The following CNTNAP2 variants were observed in gnomAD, a reference collection of about 807,000 sequenced individuals.
The protein encoded by CNTNAP2 is contactin associated protein 2.
A neutral mutation model predicts 155.2 loss-of-function variants in CNTNAP2; 98 were observed. That is an observed-to-expected ratio of 0.63 (90% confidence interval 0.54 to 0.75). The LOEUF is 0.75. CNTNAP2 is among the 30% of genes least tolerant of loss of function. CNTNAP2 has a pLI of 0.00. For missense variants in CNTNAP2, 1,727 were observed against 1,688.1 expected (o/e 1.02, Z -0.40); for synonymous variants, 651 against 631.2 (o/e 1.03, Z -0.47).
At chr7:147,477,241 T>C (rs10280003) in intron 10 of CNTNAP2, among the ~76,000 whole-genome samples, 117,381 of 152,064 alleles carry the variant, frequency 0.77, 45,587 homozygotes, top group African/African-American at 0.85. Flanking sequence ...ATTTACTTTT[T>C]TAAGAGTTTC....
At chr7:147,222,263 G>GT (rs111974164) in intron 8 of CNTNAP2, among the ~76,000 whole-genome samples, 2,554 of 146,630 alleles carry the variant, frequency 0.017, 67 homozygotes, top group African/African-American at 0.059. Context: ...TTCTGTTATA[G>GT]TTTTTTTTTT....
At chr7:148,095,291 G>A (rs2116570689) in intron 15 of CNTNAP2, among the ~76,000 whole-genome samples, 1 of 152,300 alleles carries the variant, frequency 6.6e-6, no homozygotes, top group South Asian at 2.1e-4. Context: ...AGCTACTCCT[G>A]CTCATGGAAA....
At chr7:146,225,044 A>G (rs1799270145) in intron 1 of CNTNAP2, among the ~76,000 whole-genome samples, 1 of 152,168 alleles carries the variant, frequency 6.6e-6, no homozygotes, top group African/African-American at 2.4e-5. Flanking sequence ...AAAGTTTGGA[A>G]AGCTAAGAAT....
chr7:146,543,141 T>G (rs910633814), intron 1 of CNTNAP2, among the ~76,000 whole-genome samples: 13 of 151,982 alleles, frequency 8.6e-5, no homozygotes, highest in Non-Finnish European at 1.6e-4. Flanking sequence ...ACTATACATA[T>G]ACATATATAA....
At chr7:147,865,355 C>T (rs1443472917) in intron 13 of CNTNAP2, among the ~76,000 whole-genome samples, 3 of 152,208 alleles carry the variant, frequency 2.0e-5, no homozygotes, top group South Asian at 2.1e-4. Context: ...ATTTCCCCAT[C>T]GATGCTTACC....
chr7:146,381,747 T>C (rs1795392532), intron 1 of CNTNAP2, among the ~76,000 whole-genome samples: 1 of 152,166 alleles, frequency 6.6e-6, no homozygotes, highest in Non-Finnish European at 1.5e-5. Flanking sequence ...AGATTCATTT[T>C]ATTTTGGGAA....
chr7:147,770,135 T>A (rs937812897), intron 13 of CNTNAP2, among the ~76,000 whole-genome samples: 3 of 152,228 alleles, frequency 2.0e-5, no homozygotes, highest in African/African-American at 7.2e-5. Context: ...GTTCAATTCC[T>A]TATTCGTAAC....
intron 15 of CNTNAP2, among the ~76,000 whole-genome samples, chr7:148,073,217 G>C (rs765836072): frequency 2.0e-5 from 3 of 152,164 alleles, no homozygotes; most frequent in Admixed American, 6.6e-5. Context: ...CTGGTAGGCT[G>C]CGTAGTATAA....
intron 9 of CNTNAP2, among the ~76,000 whole-genome samples, chr7:147,332,687 C>A (rs564243413): frequency 6.6e-6 from 1 of 152,264 alleles, no homozygotes; most frequent in Admixed American, 6.5e-5. Flanking sequence ...CATGGTGAAA[C>A]CCCGTCTCTA....
At chr7:146,926,874 C>T (rs1386813447) in intron 3 of CNTNAP2, among the ~76,000 whole-genome samples, 2 of 152,062 alleles carry the variant, frequency 1.3e-5, no homozygotes, top group Non-Finnish European at 2.9e-5. Flanking sequence ...AAATGTGATA[C>T]ATTTTAGAGC....
chr7:146,385,391 A>T (rs374896954), intron 1 of CNTNAP2, among the ~76,000 whole-genome samples: 3 of 141,010 alleles, frequency 2.1e-5, no homozygotes, highest in African/African-American at 8.6e-5. Context: ...CTGGTAACTG[A>T]AAAAACAAAA....
At chr7:146,593,439 G>T (rs1311058342) in intron 1 of CNTNAP2, among the ~76,000 whole-genome samples, 1 of 152,048 alleles carries the variant, frequency 6.6e-6, no homozygotes, top group African/African-American at 2.4e-5. Flanking sequence ...GTAAAAACAT[G>T]CATCTGAGAA....
chr7:148,001,840 AC>A (rs542154885), intron 15 of CNTNAP2, among the ~76,000 whole-genome samples: 11 of 152,192 alleles, frequency 7.2e-5, no homozygotes, highest in Non-Finnish European at 1.5e-4. Context: ...TCAGGTTGGT[AC>A]TTTTTAATGG....
chr7:147,810,212 C>A (rs1276623929), intron 13 of CNTNAP2, among the ~76,000 whole-genome samples: 2 of 150,274 alleles, frequency 1.3e-5, no homozygotes, highest in Non-Finnish European at 3.0e-5. Context: ...TGATATATAT[C>A]ATATATATAG....
intron 9 of CNTNAP2, among the ~76,000 whole-genome samples, chr7:147,364,466 C>A (rs1271072425): frequency 1.3e-5 from 2 of 152,130 alleles, no homozygotes; most frequent in East Asian, 1.9e-4. Flanking sequence ...AACATGCTGT[C>A]ATCCATCAGA....
intron 21 of CNTNAP2, among the ~76,000 whole-genome samples, chr7:148,290,952 T>C (rs1797178301): frequency 1.3e-5 from 2 of 152,310 alleles, no homozygotes; most frequent in South Asian, 4.1e-4. Flanking sequence ...AGGAGAATTA[T>C]TACTTGAAAT....
At chr7:147,037,070 G>T (rs570923407) in intron 3 of CNTNAP2, among the ~76,000 whole-genome samples, 2 of 152,050 alleles carry the variant, frequency 1.3e-5, no homozygotes, top group Non-Finnish European at 2.9e-5. Flanking sequence ...AGGACTTTGG[G>T]TGCTGATAAT....
Position 146,789,985 on chromosome 7 carries a change from A to C in CNTNAP2, c.208+15604A>C, listed in dbSNP as rs564266459. On this transcript the variant is annotated intron_variant, in intron 2 of 23. Transcript: ENST00000361727. Reference sequence around the variant, plus strand: ...ATATCCCATTGTATGATCATTATCAATCACTAAATGCTTTCTTCCCTTTCA... The same window carrying C: ...ATATCCCATTGTATGATCATTATCACTCACTAAATGCTTTCTTCCCTTTCA... Among the ~76,000 whole-genome samples the C allele has an allele frequency of 2.6e-5, 4 of 151,878 alleles. No individual in the cohort carries two copies. The South Asian group carries it at 8.3e-4, about 32-fold the overall frequency.
rs977702 is a variant in CNTNAP2, at chr7:147,248,121, C to T, written c.1349-52020C>T. Among the ~76,000 whole-genome samples, 1,368 of 151,906 alleles carry T rather than the reference C, an allele frequency of 9.0e-3. 17 individuals are homozygous for T. The highest frequency in any genetic ancestry group is 0.031 in the African/African-American group (1,290 of 41,400). On this transcript the variant is annotated intron_variant, in intron 8 of 23. Transcript: ENST00000361727. ...AAGGGATAATTGCAGGTTGGATAAC[C>T]GCACACATTGGAACCAAAACTGCTT...
Sources: allele counts gnomAD v4.1 joint callset (sites outside exome capture counted in the v4.1 genomes callset), GRCh38; gene constraint gnomAD v4.1.1; transcripts MANE v1.5; gene names NCBI Gene and HGNC (gene_info 2026-07-23, HGNC 2026-07-21).